The following CFAP299 variants were observed in gnomAD, a reference collection of about 807,000 sequenced individuals.
The protein encoded by CFAP299 is cilia- and flagella-associated protein 299.
In CFAP299, 21 loss-of-function variants were observed where a neutral mutation model predicts 27.0. The ratio of observed to expected loss-of-function variants is 0.78; its 90% CI spans 0.55 to 1.12. The LOEUF is 1.12. CFAP299 is among the 50% of genes most tolerant of loss of function. The probability of loss-of-function intolerance (pLI) is 0.00; values close to 1 mark genes in which losing one functional copy is unlikely to be tolerated. For missense variants in CFAP299, 310 were observed against 276.6 expected, an observed-to-expected ratio of 1.12 and a Z score of -0.86; for synonymous variants, 104 against 98.1, an observed-to-expected ratio of 1.06 and a Z score of -0.36.
At chr4:80,362,672 T>C in intron 1 of CFAP299, 82 bp from the exon 2 acceptor site, 1 of 1,408,614 alleles carries the variant, frequency 7.1e-7, no homozygotes, top group Non-Finnish European at 9.5e-7. Context: ...TTGGTATACA[T>C]TGCAGATGTA....
At chr4:80,820,427 G>A (rs1448694270) in intron 3 of CFAP299, among the ~76,000 whole-genome samples, 3 of 152,130 alleles carry the variant, frequency 2.0e-5, no homozygotes, top group African/African-American at 7.2e-5. Flanking sequence ...AAGGAGAGAT[G>A]GATGTAATAG....
intron 2 of CFAP299, among the ~76,000 whole-genome samples, chr4:80,502,964 G>A (rs1048678689): frequency 2.6e-5 from 4 of 152,096 alleles, no homozygotes; most frequent in Admixed American, 2.6e-4. Context: ...GTCTGAGTAA[G>A]TTGGTGAGAC....
chr4:80,838,810 A>G (rs1243044542), intron 3 of CFAP299, among the ~76,000 whole-genome samples: 1 of 151,862 alleles, frequency 6.6e-6, no homozygotes, highest in Non-Finnish European at 1.5e-5. Flanking sequence ...AAGTCAATGT[A>G]TTTTTTAACC....
intron 3 of CFAP299, among the ~76,000 whole-genome samples, chr4:80,682,947 A>G (rs1054548391): frequency 1.3e-5 from 2 of 152,172 alleles, no homozygotes; most frequent in East Asian, 1.9e-4. Context: ...GTCTTTTTCC[A>G]TGAAGCTTCC....
the CFAP299 span, among the ~76,000 whole-genome samples, chr4:80,329,705 A>G: frequency 7.2e-5 from 11 of 151,928 alleles, no homozygotes; most frequent in Non-Finnish European, 1.6e-4. Context: ...TTCCCTTTCT[A>G]TATCTGCTTA....
At chr4:80,372,971 A>T (rs1203654066) in intron 2 of CFAP299, among the ~76,000 whole-genome samples, 4 of 152,262 alleles carry the variant, frequency 2.6e-5, no homozygotes, top group Non-Finnish European at 5.9e-5. Flanking sequence ...TCCAGCAAGT[A>T]GCACTGCAAC....
chr4:80,521,572 A>T (rs1324737533), intron 2 of CFAP299, among the ~76,000 whole-genome samples: 1 of 152,096 alleles, frequency 6.6e-6, no homozygotes, highest in African/African-American at 2.4e-5. Context: ...AAACTTTATC[A>T]TCTTGTATGA....
At position 80,554,555 on chromosome 4, in the gene CFAP299, T is replaced by C. The variant is rs185151477; in HGVS notation, c.243-28538T>C. On this transcript the variant is annotated intron_variant, in intron 2 of 5. Transcript: ENST00000358105. ...GTGAAGAATGTCATTGGTAGTTTGG[T>C]AGAAATAGCATTGAATCTATGAATT... Among the ~76,000 whole-genome samples, 414 of 148,858 alleles carry C rather than the reference T, an allele frequency of 2.8e-3. 1 individual carries two copies. Among genetic ancestry groups the C allele is most frequent in the African/African-American group, 9.1e-3 (362 of 39,744 alleles).
At chr4:80,490,294 G>A (rs1019766461) in intron 2 of CFAP299, among the ~76,000 whole-genome samples, 1 of 151,896 alleles carries the variant, frequency 6.6e-6, no homozygotes. Flanking sequence ...CAATTATGTG[G>A]AATACTTTGA....
chr4:80,945,764 C>T (rs1271522623), intron 5 of CFAP299, among the ~76,000 whole-genome samples: 1 of 152,016 alleles, frequency 6.6e-6, no homozygotes, highest in Non-Finnish European at 1.5e-5. Context: ...AAAGGGGGGT[C>T]AGGTTATAAA....
At chr4:80,771,050 G>C (rs6838097) in intron 3 of CFAP299, among the ~76,000 whole-genome samples, 16,928 of 152,002 alleles carry the variant, frequency 0.11, 1,237 homozygotes, top group African/African-American at 0.2. Flanking sequence ...GTATTCTCAG[G>C]ATCTGTCCAC....
chr4:80,536,435 G>T (rs1733742780), intron 2 of CFAP299, among the ~76,000 whole-genome samples: 1 of 152,098 alleles, frequency 6.6e-6, no homozygotes, highest in African/African-American at 2.4e-5. Flanking sequence ...GAACAAAGCT[G>T]GAGGCGTCAC....
In CFAP299 at chr4:80,335,848, A is replaced by T; in HGVS notation, c.80A>T (p.Gln27Leu). Residue 27 changes from glutamine to leucine, a missense_variant, in exon 1 of 6, where the codon CAG becomes CTG. By Grantham distance (113) the Gln-to-Leu change is moderately radical (BLOSUM62 -2). Transcript: ENST00000358105. ...FNAYEDFLDS[Q>L]ITTVDLYYLE... ...GCCTATGAAGATTTCCTGGACTCGC[A>T]GATCACTACTGTGGACTTGTACTAC... 6 of 1,612,992 alleles carry T rather than the reference A, an allele frequency of 3.7e-6. No homozygotes were observed. Among genetic ancestry groups the T allele is most frequent in the Non-Finnish European group, 4.2e-6 (5 of 1,178,886 alleles).
rs146836575 is a variant in CFAP299, at chr4:80,621,499, C to A, written c.333+38316C>A. ...TTTGCACACTCTTCTGACACAATATCATTTGTTGATTTAATAAATGAATTC... is the reference window on the plus strand; with the variant it reads ...TTTGCACACTCTTCTGACACAATATAATTTGTTGATTTAATAAATGAATTC... On this transcript the variant is annotated intron_variant, in intron 3 of 5. Coordinates refer to ENST00000358105, the MANE Select transcript of CFAP299 (RefSeq NM_152770.3). Among the ~76,000 whole-genome samples the A allele has an allele frequency of 4.6e-5, 7 of 151,304 alleles. No individual in the cohort carries two copies. In the East Asian group the frequency reaches 1.2e-3, roughly 25 times the overall value.
At chr4:80,885,505 G>T (rs1414394205) in intron 4 of CFAP299, among the ~76,000 whole-genome samples, 1 of 152,122 alleles carries the variant, frequency 6.6e-6, no homozygotes, top group Non-Finnish European at 1.5e-5. Context: ...AGAGGACTTT[G>T]TTTTGCAACT....
chr4:80,641,474 A>G (rs1247643353), intron 3 of CFAP299, among the ~76,000 whole-genome samples: 4 of 152,210 alleles, frequency 2.6e-5, no homozygotes, highest in Non-Finnish European at 5.9e-5. Context: ...AAGTGCTGGG[A>G]TTACAGGCAT....
intron 1 of CFAP299, among the ~76,000 whole-genome samples, chr4:80,361,957 C>A (rs1273942077): frequency 6.6e-6 from 1 of 151,836 alleles, no homozygotes; most frequent in Non-Finnish European, 1.5e-5. Flanking sequence ...TATATAAATA[C>A]TGTTGTTGAA....
At chr4:80,469,259 A>G (rs1729865361) in intron 2 of CFAP299, among the ~76,000 whole-genome samples, 1 of 152,228 alleles carries the variant, frequency 6.6e-6, no homozygotes, top group Non-Finnish European at 1.5e-5. Context: ...ATGTCTGCTT[A>G]CATTCAACAA....
intron 2 of CFAP299, among the ~76,000 whole-genome samples, chr4:80,424,242 G>C (rs562438892): frequency 2.0e-5 from 3 of 152,182 alleles, no homozygotes; most frequent in Admixed American, 6.5e-5. Context: ...ACCTTCCCAC[G>C]TGGTGGTATG....
Sources: allele counts gnomAD v4.1 joint callset (sites outside exome capture counted in the v4.1 genomes callset), GRCh38; gene constraint gnomAD v4.1.1; transcripts MANE v1.5; gene names NCBI Gene and HGNC (gene_info 2026-07-23, HGNC 2026-07-21).